PCDH9: variants seen among roughly 807,000 people sequenced by gnomAD.
PCDH9 encodes the protein protocadherin 9, also known as protocadherin-9.
Under a neutral mutation model 70.6 loss-of-function variants are expected in PCDH9, and 24 were observed. The ratio of observed to expected loss-of-function variants is 0.34; its 90% CI spans 0.25 to 0.48. The LOEUF (loss-of-function observed/expected upper bound fraction) is 0.48. Ranked by LOEUF, PCDH9 falls within the 20% of genes least tolerant of loss-of-function variation. The pLI, the probability that PCDH9 is intolerant of heterozygous loss-of-function variation, is 0.99. For missense variants in PCDH9, 1,281 were observed against 1,503.6 expected, an observed-to-expected ratio of 0.85 and a Z score of 2.45; for synonymous variants, 562 against 558.5, an observed-to-expected ratio of 1.01 and a Z score of -0.09.
intron 3 of PCDH9, among the ~76,000 whole-genome samples, chr13:66,865,722 C>A (rs1210730926): frequency 6.6e-6 from 1 of 152,174 alleles, no homozygotes; most frequent in Admixed American, 6.5e-5. Context: ...TATGGTAAAG[C>A]CTCATTCCAG....
chr13:67,094,514 T>C (rs2138220997), intron 2 of PCDH9, among the ~76,000 whole-genome samples: 1 of 152,292 alleles, frequency 6.6e-6, no homozygotes, highest in Admixed American at 6.5e-5. Flanking sequence ...GAAACACGTA[T>C]TTGCATCTTT....
chr13:67,120,062 A>T (rs1242939569), intron 2 of PCDH9, among the ~76,000 whole-genome samples: 1 of 152,010 alleles, frequency 6.6e-6, no homozygotes, highest in African/African-American at 2.4e-5. Context: ...CCCTAACAAC[A>T]GAAAATATAT....
At chr13:66,918,718 A>G (rs2082595031) in intron 2 of PCDH9, among the ~76,000 whole-genome samples, 1 of 151,294 alleles carries the variant, frequency 6.6e-6, no homozygotes, top group South Asian at 2.1e-4. Flanking sequence ...TACTCCCCAC[A>G]TATCAAATGC....
intron 3 of PCDH9, among the ~76,000 whole-genome samples, chr13:66,634,207 T>C (rs954473571): frequency 1.3e-5 from 2 of 152,188 alleles, no homozygotes; most frequent in African/African-American, 2.4e-5. Context: ...TAAGTCTTAA[T>C]TGGCAGATTT....
chr13:67,137,778 C>A (rs998187143), intron 2 of PCDH9, among the ~76,000 whole-genome samples: 1 of 151,954 alleles, frequency 6.6e-6, no homozygotes, highest in African/African-American at 2.4e-5. Context: ...GTTGCTTGGC[C>A]TAAAAATGTC....
chr13:66,729,379 G>T (rs530005569), intron 3 of PCDH9, among the ~76,000 whole-genome samples: 2 of 152,166 alleles, frequency 1.3e-5, no homozygotes, highest in African/African-American at 4.8e-5. Context: ...CTGACTTTTA[G>T]TCATGTGCAT....
chr13:67,094,183 T>G (rs1233673037), intron 2 of PCDH9, among the ~76,000 whole-genome samples: 1 of 152,222 alleles, frequency 6.6e-6, no homozygotes, highest in East Asian at 1.9e-4. Flanking sequence ...AAGTTGTGTC[T>G]GTAGCAATTA....
At chr13:66,398,310 TC>T (rs1957137802) in intron 4 of PCDH9, among the ~76,000 whole-genome samples, 1 of 152,130 alleles carries the variant, frequency 6.6e-6, no homozygotes, top group Non-Finnish European at 1.5e-5. Flanking sequence ...GTAAACACAT[TC>T]AATGCATGTA....
chr13:66,883,893 C>G (rs1360137583), intron 3 of PCDH9, among the ~76,000 whole-genome samples: 1 of 146,578 alleles, frequency 6.8e-6, no homozygotes, highest in African/African-American at 2.6e-5. Flanking sequence ...TCATCTTGAG[C>G]GTTCATTTTT....
Position 67,119,340 on chromosome 13 carries a change from C to T in PCDH9, c.3036+106065G>A, listed in dbSNP as rs944380981. On this transcript the variant is annotated intron_variant, in intron 2 of 4. Coordinates refer to ENST00000377865, the MANE Select transcript of PCDH9 (RefSeq NM_203487.3). ...GAGATTATAGCTGTTTGGATCAACA[C>T]AGCCCCCTCCTCTTCATCATGAAAA... is the stretch of plus-strand genomic sequence containing the variant. Among the ~76,000 whole-genome samples, 5 of 152,210 alleles carry T rather than the reference C, an allele frequency of 3.3e-5. No homozygotes were observed. In the South Asian group the frequency reaches 6.2e-4, roughly 19 times the overall value.
chr13:66,432,838 A>C (rs1291494731), intron 4 of PCDH9, among the ~76,000 whole-genome samples: 1 of 152,022 alleles, frequency 6.6e-6, no homozygotes, highest in African/African-American at 2.4e-5. Flanking sequence ...CTAAGTCATT[A>C]TTTACCAAAT....
chr13:66,523,639 A>AG (rs1424746600), intron 4 of PCDH9, among the ~76,000 whole-genome samples: 2 of 151,922 alleles, frequency 1.3e-5, no homozygotes, highest in Non-Finnish European at 2.9e-5. Flanking sequence ...ATGCATATAC[A>AG]GGCTGCTCTG....
At chr13:66,694,207 G>A (rs2078527104) in intron 3 of PCDH9, among the ~76,000 whole-genome samples, 1 of 152,164 alleles carries the variant, frequency 6.6e-6, no homozygotes, top group African/African-American at 2.4e-5. Flanking sequence ...ATAAAATCTT[G>A]TATGTAATGT....
intron 3 of PCDH9, among the ~76,000 whole-genome samples, chr13:66,762,386 G>T (rs1215846524): frequency 6.6e-6 from 1 of 152,024 alleles, no homozygotes; most frequent in Non-Finnish European, 1.5e-5. Flanking sequence ...GAGTCCATAG[G>T]TGTCTGCCTG....
At chr13:67,020,150 T>TA (rs928543842) in intron 2 of PCDH9, among the ~76,000 whole-genome samples, 9 of 152,288 alleles carry the variant, frequency 5.9e-5, no homozygotes, top group African/African-American at 9.6e-5. Context: ...TTCTTTTTTT[T>TA]ACCTACAAAA....
chr13:66,988,216 G>C (rs1245593144), intron 2 of PCDH9, among the ~76,000 whole-genome samples: 1 of 151,940 alleles, frequency 6.6e-6, no homozygotes, highest in African/African-American at 2.4e-5. Context: ...AGTTGACTGG[G>C]AAATATTTCT....
intron 3 of PCDH9, among the ~76,000 whole-genome samples, chr13:66,857,214 T>C (rs139199627): frequency 6.6e-6 from 1 of 152,262 alleles, no homozygotes; most frequent in African/African-American, 2.4e-5. Flanking sequence ...GATAGCAAAG[T>C]CTTTGAAGAG....
At chr13:66,583,970 T>A (rs2076929608) in intron 4 of PCDH9, among the ~76,000 whole-genome samples, 1 of 152,210 alleles carries the variant, frequency 6.6e-6, no homozygotes, top group Admixed American at 6.5e-5. Flanking sequence ...ATTTGGCCTT[T>A]CCTGCTTTGT....
chr13:67,125,965 T>A (rs978860750), intron 2 of PCDH9, among the ~76,000 whole-genome samples: 41 of 152,192 alleles, frequency 2.7e-4, no homozygotes, highest in African/African-American at 8.9e-4. Context: ...ATGTGCTAAC[T>A]CATTTAACTT....
Sources: gnomAD v4.1 joint callset for allele counts (sites outside exome capture counted in the v4.1 genomes callset) on GRCh38, gnomAD v4.1.1 for gene constraint, MANE v1.5 for transcripts, NCBI Gene and HGNC (gene_info 2026-07-23, HGNC 2026-07-21) for gene names.